The following KDM2B variants were observed in gnomAD, a reference collection of about 807,000 sequenced individuals.
The protein encoded by KDM2B is lysine-specific demethylase 2B.
Under a neutral mutation model 150.0 loss-of-function variants are expected in KDM2B, and 26 were observed. The ratio of observed to expected loss-of-function variants is 0.17; its 90% CI spans 0.13 to 0.24. The LOEUF (loss-of-function observed/expected upper bound fraction) is 0.24. Among genes scored for constraint, KDM2B ranks in the 10% least tolerant of loss-of-function variants. KDM2B has a pLI of 1.00. For synonymous variants in KDM2B, 734 were observed against 729.5 expected (o/e 1.01, Z -0.10); for missense variants, 1,265 against 1,816.9 (o/e 0.70, Z 5.52).
rs577709763 is a variant in KDM2B, at chr12:121,453,267, T to C, written c.1812A>G (p.Ala604=). The C allele has an allele frequency of 5.6e-6, 9 of 1,608,582 alleles. No homozygotes were observed. In the African/African-American group the frequency reaches 1.2e-4, roughly 21 times the overall value. Residue 604 remains alanine, a synonymous_variant, in exon 13 of 23, where the codon GCA becomes GCG. Coordinates refer to ENST00000377071, the MANE Select transcript of KDM2B (RefSeq NM_032590.5). The surrounding 1 kb of genome is among the most constrained non-coding windows in gnomAD (Gnocchi z 6.4). ...AVKLAANRTT[A]GARRRRTRCR... is the part of the protein sequence containing the mutation. ...ATCGCGTCCGGCGCCGCCGAGCTCC[T>C]GCCGTTGTCCGGTTGGCGGCCAACT...
rs1285240905 is a variant in KDM2B, at chr12:121,467,221, T to A, written c.1735-13877A>T. 20 of 1,071,062 alleles carry A rather than the reference T, an allele frequency of 1.9e-5. No homozygotes were observed. Among genetic ancestry groups the A allele is most frequent in the Non-Finnish European group, 2.1e-5 (18 of 875,310 alleles). 66.3% of individuals were successfully genotyped at this position (1,071,062 alleles called of 1,614,324 possible). On this transcript the variant is annotated intron_variant, in intron 12 of 22. Transcript: ENST00000377071. This position sits in a 1 kb window ranked among gnomAD's most constrained non-coding sequence, Gnocchi z 5.1. ...TCACGGACATGGCCATGGCTCATGGTGGGCCCAGGCTCGCGCGCGCTGACA... is the reference window on the plus strand; with the variant it reads ...TCACGGACATGGCCATGGCTCATGGAGGGCCCAGGCTCGCGCGCGCTGACA...
chr12:121,533,472 G>A lies in KDM2B; in HGVS notation c.778-513C>T, dbSNP rs111816763. ...CAGGGTGGCACAGGCTTATTTTCAA[G>A]AAGCACCCACCTCCATCAGGGACAC... On this transcript the variant is annotated intron_variant, in intron 7 of 22. Transcript: ENST00000377071. The surrounding 1 kb of genome is among the most constrained non-coding windows in gnomAD (Gnocchi z 4.1). 3.1e-3 allele frequency among the ~76,000 whole-genome samples: 474 copies of A among 152,212 alleles called. 3 individuals carry two copies. The highest frequency in any genetic ancestry group is 0.011 in the African/African-American group (451 of 41,508).
intron 12 of KDM2B, among the ~76,000 whole-genome samples, chr12:121,488,239 C>G (rs998997617): frequency 1.3e-5 from 2 of 152,160 alleles, no homozygotes; most frequent in Non-Finnish European, 2.9e-5. Context: ...ATGGGAAATG[C>G]CTCTAAACCA....
the KDM2B span, chr12:121,420,192 A>G: frequency 6.4e-7 from 1 of 1,571,548 alleles, no homozygotes; most frequent in Non-Finnish European, 8.7e-7. Flanking sequence ...TTCTCTAGTG[A>G]TAAATACAGA....
intron 12 of KDM2B, among the ~76,000 whole-genome samples, chr12:121,473,122 G>A (rs1555296141): frequency 6.6e-6 from 1 of 152,166 alleles, no homozygotes; most frequent in African/African-American, 2.4e-5. Context: ...TGGGCGCAGT[G>A]GCTCACGCCT....
intron 4 of KDM2B, among the ~76,000 whole-genome samples, chr12:121,559,420 TC>T (rs1555313419): frequency 6.6e-6 from 1 of 151,706 alleles, no homozygotes; most frequent in Middle Eastern, 3.2e-3. Context: ...GGACCTCCCC[TC>T]CCCCAGGGAA....
chr12:121,420,647 G>C, the KDM2B span: 3 of 1,614,212 alleles, frequency 1.9e-6, no homozygotes, highest in East Asian at 2.2e-5. Flanking sequence ...GATGTGGAAG[G>C]AATGAGCGTG....
At chr12:121,416,360 T>G in the KDM2B span, 1 of 1,612,716 alleles carries the variant, frequency 6.2e-7, no homozygotes, top group Non-Finnish European at 8.5e-7. Flanking sequence ...GCTTTCATTT[T>G]CAGTCTTTAG....
At chr12:121,475,817 G>C (rs999070576) in intron 12 of KDM2B, among the ~76,000 whole-genome samples, 14 of 152,042 alleles carry the variant, frequency 9.2e-5, no homozygotes, top group Admixed American at 9.2e-4. Context: ...TTGAATAGAT[G>C]TTATTTTCTC....
chr12:121,422,860 G>C, the KDM2B span, among the ~76,000 whole-genome samples: 1 of 152,200 alleles, frequency 6.6e-6, no homozygotes, highest in South Asian at 2.1e-4. Context: ...CAGATGGCTT[G>C]AGATGATTCT....
chr12:121,439,779 G>A (rs1024825099), intron 22 of KDM2B, 78 bp downstream of exon 22: 22 of 1,075,020 alleles, frequency 2.0e-5, no homozygotes, highest in Middle Eastern at 4.0e-4. Context: ...GTAGACACAC[G>A]AATCGTTTTC....
At chr12:121,443,963 G>A (rs200910503) in intron 16 of KDM2B, 49 bp downstream of exon 16, 174 of 1,565,880 alleles carry the variant, frequency 1.1e-4, no homozygotes, top group Non-Finnish European at 1.4e-4. Context: ...CCAGCACCCG[G>A]GACCAGCCAG....
chr12:121,504,327 G>C (rs1388286536), intron 11 of KDM2B, among the ~76,000 whole-genome samples: 1 of 152,144 alleles, frequency 6.6e-6, no homozygotes, highest in Non-Finnish European at 1.5e-5. Context: ...CTCCCAAACT[G>C]CTGGCATTAC....
chr12:121,520,966 C>G lies in KDM2B; in HGVS notation c.1047+19G>C, dbSNP rs367719029. On this transcript the variant is annotated intron_variant, in intron 9 of 22. Transcript: ENST00000377071. This position sits in a 1 kb window ranked among gnomAD's most constrained non-coding sequence, Gnocchi z 4.5. ...CAGGGGCCAGGCGCGCACGCGAGGA[C>G]AGAAGGGAACCTCCTTACCCGCGTC... The G allele has an allele frequency of 3.1e-6, 5 of 1,603,600 alleles. No homozygotes were observed. The African/African-American group carries it at 6.7e-5, about 21-fold the overall frequency.
downstream of KDM2B, chr12:121,428,987 G>GTA (rs1555284712): frequency 6.6e-6 from 1 of 152,332 alleles, no homozygotes; most frequent in South Asian, 2.1e-4. Flanking sequence ...CGTTGTCAGA[G>GTA]TATAGCTCTT....
intron 4 of KDM2B, among the ~76,000 whole-genome samples, chr12:121,565,456 T>C (rs1245889833): frequency 6.6e-6 from 1 of 152,026 alleles, no homozygotes; most frequent in Non-Finnish European, 1.5e-5. Context: ...TAGCTAGGAT[T>C]ACAGGCATGT....
chr12:121,425,221 T>C (rs1872453550), downstream of KDM2B, among the ~76,000 whole-genome samples: 1 of 149,266 alleles, frequency 6.7e-6, no homozygotes, highest in East Asian at 2.0e-4. Context: ...GGCAGGAGAA[T>C]CGCCTGAAAC....
chr12:121,502,253 T>C (rs555462566), intron 11 of KDM2B, among the ~76,000 whole-genome samples: 226 of 152,312 alleles, frequency 1.5e-3, no homozygotes, highest in African/African-American at 5.2e-3. Context: ...GTACTCCATT[T>C]TACTGCATTC....
Position 121,537,938 on chromosome 12 carries a change from G to T in KDM2B, c.684-3348C>A, listed in dbSNP as rs1325105851. ...CTCGGCGGCGGCGGCGGCGGCTCCCGTGCGTCCCCTTCGGCTCCCGGGCGT... is the reference window on the plus strand; with the variant it reads ...CTCGGCGGCGGCGGCGGCGGCTCCCTTGCGTCCCCTTCGGCTCCCGGGCGT... On this transcript the variant is annotated intron_variant, in intron 6 of 22. Coordinates refer to ENST00000377071, the MANE Select transcript of KDM2B (RefSeq NM_032590.5). The surrounding 1 kb of genome is among the most constrained non-coding windows in gnomAD (Gnocchi z 8.7). Among the ~76,000 whole-genome samples the T allele has an allele frequency of 6.6e-6, 1 of 150,518 alleles. No homozygotes were observed. The highest frequency in any genetic ancestry group is 1.5e-5 in the Non-Finnish European group (1 of 67,484).
Sources: gnomAD v4.1 joint callset for allele counts (sites outside exome capture counted in the v4.1 genomes callset) on GRCh38, gnomAD v4.1.1 for gene constraint, Gnocchi (gnomAD v3.1) non-coding constraint, MANE v1.5 for transcripts, NCBI Gene and HGNC (gene_info 2026-07-23, HGNC 2026-07-21) for gene names.